The following ZHX2 variants were observed in gnomAD, a reference collection of about 807,000 sequenced individuals.
ZHX2 encodes zinc fingers and homeoboxes protein 2.
Under a neutral mutation model 21.9 loss-of-function variants are expected in ZHX2, and 6 were observed. The ratio of observed to expected loss-of-function variants is 0.27; its 90% CI spans 0.15 to 0.54. ZHX2 has a LOEUF of 0.54. Ranked by LOEUF, ZHX2 falls within the 20% of genes least tolerant of loss-of-function variation. The pLI, the probability that ZHX2 is intolerant of heterozygous loss-of-function variation, is 0.95. For missense variants in ZHX2, 908 were observed against 1,090.7 expected (o/e 0.83, Z 2.36); for synonymous variants, 434 against 437.1 (o/e 0.99, Z 0.09).
At position 122,781,848 on chromosome 8, in the gene ZHX2, G is replaced by A. The variant is rs557234781; in HGVS notation, c.-381G>A. ...GAGCCGGGCGCCCGGTGGGGAGTGGGGAGTGGGTGGGGGGAGCCAGCAGAG... is the reference window on the plus strand; with the variant it reads ...GAGCCGGGCGCCCGGTGGGGAGTGGAGAGTGGGTGGGGGGAGCCAGCAGAG... On this transcript the variant is annotated 5_prime_UTR_variant, in exon 1 of 4. Transcript: ENST00000314393. This position sits in a 1 kb window ranked among gnomAD's most constrained non-coding sequence, Gnocchi z 4.6. 3 of 152,330 alleles carry A rather than the reference G, an allele frequency of 2.0e-5. No homozygotes were observed. Among genetic ancestry groups the A allele is most frequent in the African/African-American group, 7.2e-5 (3 of 41,516 alleles). 9.4% of individuals were successfully genotyped at this position (152,330 alleles called of 1,614,324 possible).
At chr8:122,858,638 CTT>C (rs34399149) in intron 1 of ZHX2, among the ~76,000 whole-genome samples, 1,646 of 82,662 alleles carry the variant, frequency 0.02, 27 homozygotes, top group African/African-American at 0.063. Context: ...TTCTTTCTTT[CTT>C]TTTTTTTTTT....
At chr8:122,857,480 G>A (rs756717427) in intron 1 of ZHX2, among the ~76,000 whole-genome samples, 8 of 152,134 alleles carry the variant, frequency 5.3e-5, no homozygotes, top group Non-Finnish European at 8.8e-5. Context: ...AACAAATATG[G>A]GTCAATTCTA....
chr8:122,971,605 C>A (rs1273246278), intron 3 of ZHX2, among the ~76,000 whole-genome samples: 1 of 31,874 alleles, frequency 3.1e-5, no homozygotes, highest in African/African-American at 1.4e-4. Context: ...GCTGTTGGCC[C>A]CTGTACAAAA....
intron 3 of ZHX2, among the ~76,000 whole-genome samples, chr8:122,969,292 G>A (rs923465969): frequency 2.9e-4 from 44 of 152,176 alleles, no homozygotes; most frequent in African/African-American, 1.0e-3. Flanking sequence ...CAGTTATACA[G>A]ATGAGTAACT....
chr8:122,891,615 A>G (rs1819982309), intron 2 of ZHX2, among the ~76,000 whole-genome samples: 1 of 151,896 alleles, frequency 6.6e-6, no homozygotes, highest in African/African-American at 2.4e-5. Flanking sequence ...AGGTTTTGGT[A>G]TGTTGTGTTT....
chr8:122,843,967 AC>A (rs1818695513), intron 1 of ZHX2, among the ~76,000 whole-genome samples: 3 of 149,152 alleles, frequency 2.0e-5, no homozygotes, highest in Admixed American at 2.0e-4. Context: ...CTTCACACAC[AC>A]ACACACACAC....
chr8:122,884,194 C>T (rs1420066753), intron 2 of ZHX2, among the ~76,000 whole-genome samples: 1 of 152,130 alleles, frequency 6.6e-6, no homozygotes, highest in African/African-American at 2.4e-5. Context: ...ATACAGTATC[C>T]TAATTGTAGG....
intron 1 of ZHX2, among the ~76,000 whole-genome samples, chr8:122,823,909 G>A (rs1248801578): frequency 1.3e-5 from 2 of 152,174 alleles, no homozygotes; most frequent in African/African-American, 4.8e-5. Context: ...GCTCCATGCT[G>A]TAGGGCACTT....
intron 2 of ZHX2, among the ~76,000 whole-genome samples, chr8:122,933,145 C>T (rs1218910489): frequency 6.6e-6 from 1 of 152,186 alleles, no homozygotes; most frequent in Non-Finnish European, 1.5e-5. Context: ...CTGAAAAGCC[C>T]TGTCTCGCCC....
Position 122,952,982 on chromosome 8 carries a change from G to A in ZHX2, c.1472G>A (p.Arg491Gln), listed in dbSNP as rs765510576. 16 of 1,613,884 alleles carry A rather than the reference G, an allele frequency of 9.9e-6. No homozygotes were observed. Among genetic ancestry groups the A allele is most frequent in the South Asian group, 1.1e-5 (1 of 91,080 alleles). ...SEIKKWFSDHRYRCQRGIVHI... is the reference protein window; with the variant it reads ...SEIKKWFSDHQYRCQRGIVHI... ...ATCAAGAAGTGGTTCAGTGACCACC[G>A]ATATCGGTGTCAAAGGGGCATCGTC... The change falls in exon 3 of 4, where the codon CGA becomes CAA. Residue 491 changes from arginine to glutamine, a missense_variant. This residue lies in a region of ZHX2 where 232 missense variants were observed against 361.8 expected (regional missense o/e 0.64). Coordinates refer to ENST00000314393, the MANE Select transcript of ZHX2 (RefSeq NM_014943.5). The surrounding 1 kb of genome is among the most constrained non-coding windows in gnomAD (Gnocchi z 6.9).
intron 1 of ZHX2, among the ~76,000 whole-genome samples, chr8:122,821,708 A>T (rs549451050): frequency 6.6e-6 from 1 of 151,398 alleles, no homozygotes; most frequent in South Asian, 2.1e-4. Context: ...TTATTTATTT[A>T]TTTATTTATT....
At chr8:122,911,948 C>G (rs1179097386) in intron 2 of ZHX2, among the ~76,000 whole-genome samples, 1 of 152,074 alleles carries the variant, frequency 6.6e-6, no homozygotes, top group Non-Finnish European at 1.5e-5. Context: ...GGCTCTGAGG[C>G]CTGGAGGGGA....
intron 3 of ZHX2, among the ~76,000 whole-genome samples, chr8:122,971,609 T>TCCAAAAA (rs1225987075): frequency 1.4e-4 from 1 of 7,044 alleles, no homozygotes; most frequent in Admixed American, 1.7e-3. Flanking sequence ...TTGGCCCCTG[T>TCCAAAAA]ACAAAAAAAA....
intron 2 of ZHX2, among the ~76,000 whole-genome samples, chr8:122,945,997 C>G (rs377707750): frequency 2.0e-5 from 3 of 152,114 alleles, no homozygotes; most frequent in Admixed American, 2.0e-4. Context: ...GTGACTGTGC[C>G]CAGTTCAGAC....
chr8:122,971,008 A>G (rs1394930535), intron 3 of ZHX2, among the ~76,000 whole-genome samples: 1 of 152,250 alleles, frequency 6.6e-6, no homozygotes, highest in East Asian at 1.9e-4. Flanking sequence ...TGGACTGGCC[A>G]AGGTGGAGTC....
At chr8:122,961,514 T>A (rs903533126) in intron 3 of ZHX2, among the ~76,000 whole-genome samples, 1 of 151,934 alleles carries the variant, frequency 6.6e-6, no homozygotes, top group Non-Finnish European at 1.5e-5. Context: ...CAAGACTAGG[T>A]AATTTATAAA....
intron 1 of ZHX2, among the ~76,000 whole-genome samples, chr8:122,786,879 C>T (rs1361705338): frequency 1.3e-5 from 2 of 152,070 alleles, no homozygotes; most frequent in Non-Finnish European, 2.9e-5. Flanking sequence ...TGCACATGCC[C>T]CTTTGGTAGA....
chr8:122,969,219 G>A (rs1172385593), intron 3 of ZHX2, among the ~76,000 whole-genome samples: 3 of 152,050 alleles, frequency 2.0e-5, no homozygotes, highest in Non-Finnish European at 2.9e-5. Flanking sequence ...ACAGTGGAGT[G>A]ATGTTGACCA....
chr8:122,818,439 C>T (rs1354105740), intron 1 of ZHX2, among the ~76,000 whole-genome samples: 2 of 152,304 alleles, frequency 1.3e-5, no homozygotes, highest in East Asian at 3.9e-4. Context: ...GACCCGGTCA[C>T]CTCCCTTTGC....
Sources: gnomAD v4.1 joint callset for allele counts (sites outside exome capture counted in the v4.1 genomes callset) on GRCh38, gnomAD v4.1.1 for gene constraint, gnomAD v4.1.1 regional missense constraint, Gnocchi (gnomAD v3.1) non-coding constraint, MANE v1.5 for transcripts, NCBI Gene and HGNC (gene_info 2026-07-23, HGNC 2026-07-21) for gene names.